The following ATP11C variants were observed in gnomAD, a reference collection of about 807,000 sequenced individuals.
ATP11C encodes ATPase phospholipid transporting 11C (ATP11C blood group), also known as phospholipid-transporting ATPase IG.
ATP11C carries 36 observed loss-of-function variants against 97.4 expected under a neutral mutation model. That is an observed-to-expected ratio of 0.37 (90% CI 0.28 to 0.49). ATP11C has a LOEUF of 0.49. Ranked by LOEUF, ATP11C falls within the 20% of genes least tolerant of loss-of-function variation. The pLI, the probability that ATP11C is intolerant of heterozygous loss-of-function variation, is 0.98. For missense variants in ATP11C, 730 were observed against 824.6 expected, an observed-to-expected ratio of 0.89 and a Z score of 1.40; for synonymous variants, 275 against 290.9, an observed-to-expected ratio of 0.95 and a Z score of 0.56.
At chrX:139,796,153 G>T in intron 12 of ATP11C, 120 bp downstream of exon 12, 1 of 504,496 alleles carries the variant, frequency 2.0e-6, no homozygotes, top group Non-Finnish European at 3.0e-6. Context: ...CTGCATTAAA[G>T]AATTTTCTCT....
intron 1 of ATP11C, among the ~76,000 whole-genome samples, chrX:139,869,611 C>T (rs2084337449): frequency 1.1e-5 from 1 of 89,937 alleles, no homozygotes; most frequent in South Asian, 5.5e-4. Flanking sequence ...GCAAAACCCC[C>T]TCTCTACTAA....
At chrX:139,854,164 G>T (rs1449822349) in intron 1 of ATP11C, among the ~76,000 whole-genome samples, 3 of 111,892 alleles carry the variant, frequency 2.7e-5, no homozygotes, top group Non-Finnish European at 5.6e-5. Context: ...AATCAAACAT[G>T]GATGAGCTGT....
chrX:139,877,247 A>G (rs1336227584), intron 1 of ATP11C, among the ~76,000 whole-genome samples: 1 of 112,078 alleles, frequency 8.9e-6, no homozygotes, highest in Non-Finnish European at 1.9e-5. Context: ...TTGCTTCCTC[A>G]GTTGTTCATA....
chrX:139,904,118 A>G (rs934216648), intron 1 of ATP11C, among the ~76,000 whole-genome samples: 6 of 112,456 alleles, frequency 5.3e-5, no homozygotes, highest in Admixed American at 9.4e-5. Flanking sequence ...CTAAATTTAC[A>G]TAATTTGTGA....
intron 5 of ATP11C, among the ~76,000 whole-genome samples, chrX:139,813,827 A>G (rs2083227951): frequency 9.0e-6 from 1 of 111,696 alleles, no homozygotes; most frequent in South Asian, 3.8e-4. Flanking sequence ...TGACACTACT[A>G]TGGATACATA....
rs2082048485 is a variant in ATP11C at position 139,762,073 on chromosome X, C to G, written c.2528G>C (p.Arg843Thr). The G allele has an allele frequency of 8.3e-7, 1 of 1,205,964 alleles. No homozygotes were observed. The highest frequency in any genetic ancestry group is 1.1e-6 in the Non-Finnish European group (1 of 892,902). Reference protein sequence around the residue: ...IKGKEGRQAARNSDYSVPKFK... With the variant: ...IKGKEGRQAATNSDYSVPKFK... ...CTTTGGAACAGAATAATCGCTATTC[C>G]TAGCTGCTTGGCGACCTTCTTTGCC... The change falls in exon 22 of 30, where the codon AGG (arginine) becomes ACG (threonine). Residue 843 changes from arginine to threonine, a missense_variant. Transcript: ENST00000682941.
intron 1 of ATP11C, among the ~76,000 whole-genome samples, chrX:139,836,425 G>A (rs7472663): frequency 9.0e-6 from 1 of 110,951 alleles, no homozygotes; most frequent in South Asian, 3.8e-4. Context: ...TGAGGCAGGA[G>A]AATCGCTTGA....
intron 1 of ATP11C, among the ~76,000 whole-genome samples, chrX:139,880,604 A>G (rs2084546055): frequency 9.0e-6 from 1 of 111,252 alleles, no homozygotes; most frequent in South Asian, 3.8e-4. Context: ...AGGAGATAAT[A>G]TCCCATGTGA....
At chrX:139,874,578 T>G (rs1339684692) in intron 1 of ATP11C, among the ~76,000 whole-genome samples, 10 of 112,149 alleles carry the variant, frequency 8.9e-5, no homozygotes, top group Non-Finnish European at 1.5e-4. Flanking sequence ...CAAAACTCAA[T>G]GCTAATTCCA....
At chrX:139,925,109 G>C (rs1256865987) in intron 1 of ATP11C, among the ~76,000 whole-genome samples, 1 of 111,615 alleles carries the variant, frequency 9.0e-6, no homozygotes, top group Non-Finnish European at 1.9e-5. Context: ...TGAACAGAGA[G>C]TGTGCCCAGA....
At chrX:139,905,801 C>T (rs1396740107) in intron 1 of ATP11C, among the ~76,000 whole-genome samples, 3 of 111,333 alleles carry the variant, frequency 2.7e-5, no homozygotes, top group Non-Finnish European at 5.7e-5. Flanking sequence ...ATTGGAAAGG[C>T]TACTAAGCAA....
chrX:139,882,359 CAAG>C (rs1280487455), intron 1 of ATP11C, among the ~76,000 whole-genome samples: 3 of 111,185 alleles, frequency 2.7e-5, no homozygotes, highest in Non-Finnish European at 5.7e-5. Context: ...TTATGGTAGC[CAAG>C]AAGAGGCCAA....
At chrX:139,874,045 G>GTTT (rs746204437) in intron 1 of ATP11C, among the ~76,000 whole-genome samples, 15 of 94,637 alleles carry the variant, frequency 1.6e-4, no homozygotes, top group Admixed American at 4.7e-4. Context: ...AAACAACCAG[G>GTTT]TTTTTTTTTT....
chrX:139,916,283 A>C (rs1364451956), intron 1 of ATP11C, among the ~76,000 whole-genome samples: 1 of 110,283 alleles, frequency 9.1e-6, no homozygotes, highest in Admixed American at 9.8e-5. Context: ...TCAGTCAAGC[A>C]CTACAAGTCT....
At chrX:139,767,025 C>T (rs183505926) in intron 20 of ATP11C, among the ~76,000 whole-genome samples, 1 of 111,222 alleles carries the variant, frequency 9.0e-6, no homozygotes, top group African/African-American at 3.3e-5. Context: ...AGAATGTACA[C>T]CAGAGAAAGG....
intron 18 of ATP11C, among the ~76,000 whole-genome samples, chrX:139,781,613 T>C (rs2082459746): frequency 9.0e-6 from 1 of 111,620 alleles, no homozygotes; most frequent in African/African-American, 3.3e-5. Flanking sequence ...GCTACCCCGG[T>C]GGCTGAGGTG....
chrX:139,791,159 CT>C (rs72344403), intron 12 of ATP11C, among the ~76,000 whole-genome samples: 6 of 105,115 alleles, frequency 5.7e-5, no homozygotes, highest in Non-Finnish European at 3.9e-5. Context: ...GCATTCCAAT[CT>C]TTTTTTTTTT....
chrX:139,833,076 G>A (rs1259724182), intron 1 of ATP11C, among the ~76,000 whole-genome samples: 1 of 111,934 alleles, frequency 8.9e-6, no homozygotes, highest in Non-Finnish European at 1.9e-5. Context: ...GGTGTCTGAC[G>A]ACCTGAACAG....
At chrX:139,766,835 G>A (rs2082148543) in intron 20 of ATP11C, among the ~76,000 whole-genome samples, 1 of 111,940 alleles carries the variant, frequency 8.9e-6, no homozygotes, top group Admixed American at 9.4e-5. Flanking sequence ...GACTGGAGGA[G>A]CTGGAAAAGA....
Sources: allele counts gnomAD v4.1 joint callset (sites outside exome capture counted in the v4.1 genomes callset), GRCh38; gene constraint gnomAD v4.1.1; transcripts MANE v1.5; gene names NCBI Gene and HGNC (gene_info 2026-07-23, HGNC 2026-07-21).